ADGRB3: variants seen among roughly 807,000 people sequenced by gnomAD.
ADGRB3 encodes brain-specific angiogenesis inhibitor 3.
A neutral mutation model predicts 193.4 loss-of-function variants in ADGRB3; 37 were observed. That is an observed-to-expected ratio of 0.19 (90% confidence interval 0.15 to 0.25). ADGRB3 has a LOEUF of 0.25. Among genes scored for constraint, ADGRB3 ranks in the 10% least tolerant of loss-of-function variants. The pLI is 1.00. For synonymous variants in ADGRB3, 690 were observed against 644.2 expected (o/e 1.07, Z -1.08); for missense variants, 1,637 against 1,852.9 (o/e 0.88, Z 2.14).
At chr6:68,909,826 G>T (rs1409007117) in intron 3 of ADGRB3, among the ~76,000 whole-genome samples, 1 of 152,244 alleles carries the variant, frequency 6.6e-6, no homozygotes, top group South Asian at 2.1e-4. Flanking sequence ...ATTTGGGTTG[G>T]TTCCAAGTCT....
chr6:69,380,617 T>G (rs746189919), intron 30 of ADGRB3, among the ~76,000 whole-genome samples: 4 of 151,900 alleles, frequency 2.6e-5, no homozygotes, highest in Non-Finnish European at 5.9e-5. Flanking sequence ...AATAACTAAT[T>G]TGAGGAATTT....
intron 17 of ADGRB3, among the ~76,000 whole-genome samples, chr6:69,216,978 TG>T (rs1484811419): frequency 1.3e-5 from 2 of 152,144 alleles, no homozygotes; most frequent in Non-Finnish European, 2.9e-5. Flanking sequence ...GTCCAGAAAC[TG>T]GGAAGGGGCT....
At chr6:68,646,381 G>A (rs971730565) in intron 3 of ADGRB3, among the ~76,000 whole-genome samples, 1 of 151,190 alleles carries the variant, frequency 6.6e-6, no homozygotes, top group Non-Finnish European at 1.5e-5. Flanking sequence ...GGAGGCTGAG[G>A]CAGGAGAACA....
chr6:69,113,792 T>C (rs1773444067), intron 17 of ADGRB3, among the ~76,000 whole-genome samples: 1 of 152,190 alleles, frequency 6.6e-6, no homozygotes, highest in African/African-American at 2.4e-5. Flanking sequence ...TTATGACTTC[T>C]CTTAATAATG....
intron 19 of ADGRB3, among the ~76,000 whole-genome samples, chr6:69,238,418 T>C (rs537086585): frequency 2.2e-4 from 33 of 152,212 alleles, no homozygotes; most frequent in African/African-American, 7.9e-4. Context: ...TTAACAACTA[T>C]ATAACAGACT....
intron 17 of ADGRB3, among the ~76,000 whole-genome samples, chr6:69,137,078 A>ATTTTTTTTTTTTTTTG (rs1193270145): frequency 4.1e-5 from 5 of 121,460 alleles, no homozygotes; most frequent in Non-Finnish European, 6.9e-5. Flanking sequence ...TTTTTTTTTA[A>ATTTTTTTTTTTTTTTG]TGGTAAGATC....
intron 29 of ADGRB3, among the ~76,000 whole-genome samples, chr6:69,367,275 A>C (rs1448828227): frequency 1.3e-5 from 2 of 152,164 alleles, no homozygotes; most frequent in African/African-American, 4.8e-5. Flanking sequence ...CAGACTTTGC[A>C]GAGTCTTGTA....
intron 11 of ADGRB3, among the ~76,000 whole-genome samples, chr6:69,009,046 G>T (rs1207544278): frequency 6.6e-6 from 1 of 151,940 alleles, no homozygotes; most frequent in Non-Finnish European, 1.5e-5. Flanking sequence ...ATCCATGAAT[G>T]CTTAGCCCAT....
At chr6:69,255,784 A>G (rs1259433203) in intron 20 of ADGRB3, among the ~76,000 whole-genome samples, 2 of 152,184 alleles carry the variant, frequency 1.3e-5, no homozygotes, top group African/African-American at 4.8e-5. Flanking sequence ...GCCCATGCCT[A>G]TGTCCTGAAT....
At chr6:68,938,440 GTATATATATA>G (rs59120080) in intron 5 of ADGRB3, among the ~76,000 whole-genome samples, 63,567 of 144,560 alleles carry the variant, frequency 0.44, 15,704 homozygotes, top group Middle Eastern at 0.67. Context: ...ATATTTTGAG[GTATATATATA>G]TATATATATA....
At chr6:68,644,319 GACTT>G (rs1489766131) in intron 3 of ADGRB3, among the ~76,000 whole-genome samples, 1 of 151,792 alleles carries the variant, frequency 6.6e-6, no homozygotes, top group African/African-American at 2.4e-5. Context: ...AAATAACAAG[GACTT>G]ACTAACAAAT....
At chr6:68,691,583 T>C (rs536925987) in intron 3 of ADGRB3, among the ~76,000 whole-genome samples, 1 of 152,058 alleles carries the variant, frequency 6.6e-6, no homozygotes, top group Non-Finnish European at 1.5e-5. Flanking sequence ...TTTAAATGCA[T>C]TGACTTTTGT....
intron 20 of ADGRB3, among the ~76,000 whole-genome samples, chr6:69,278,402 A>G (rs1209607351): frequency 6.6e-6 from 1 of 152,232 alleles, no homozygotes; most frequent in Non-Finnish European, 1.5e-5. Context: ...GATGCGTAAC[A>G]GCAGTATATT....
chr6:69,268,982 A>C (rs1040559499), intron 20 of ADGRB3, among the ~76,000 whole-genome samples: 2 of 152,142 alleles, frequency 1.3e-5, no homozygotes, highest in Non-Finnish European at 2.9e-5. Flanking sequence ...TCTTTATAAT[A>C]ATCATCATAA....
At chr6:69,175,330 G>C (rs1250035096) in intron 17 of ADGRB3, among the ~76,000 whole-genome samples, 2 of 152,178 alleles carry the variant, frequency 1.3e-5, no homozygotes, top group Non-Finnish European at 2.9e-5. Flanking sequence ...GTGAAATGTA[G>C]TGGTCCAGTT....
At chr6:69,194,549 A>G (rs1299898226) in intron 17 of ADGRB3, among the ~76,000 whole-genome samples, 2 of 152,146 alleles carry the variant, frequency 1.3e-5, no homozygotes, top group Non-Finnish European at 2.9e-5. Context: ...TTGCGTGAGA[A>G]TGGGCTTGAA....
At chr6:69,333,612 CTGT>C (rs1296270813) in intron 24 of ADGRB3, among the ~76,000 whole-genome samples, 2 of 151,580 alleles carry the variant, frequency 1.3e-5, no homozygotes, top group East Asian at 3.9e-4. Context: ...TTTAATTTTA[CTGT>C]TATTATAATA....
chr6:68,988,367 A>G (rs182224008), intron 10 of ADGRB3, among the ~76,000 whole-genome samples: 492 of 152,260 alleles, frequency 3.2e-3, no homozygotes, highest in Admixed American at 3.6e-3. Context: ...TTGGGAGAGC[A>G]TTTAAAGTGA....
At chr6:69,137,426 A>G (rs577863176) in intron 17 of ADGRB3, among the ~76,000 whole-genome samples, 1 of 151,952 alleles carries the variant, frequency 6.6e-6, no homozygotes, top group East Asian at 1.9e-4. Context: ...TCAAACACAC[A>G]CACGCAAAAA....
Sources: allele counts gnomAD v4.1 joint callset (sites outside exome capture counted in the v4.1 genomes callset), GRCh38; gene constraint gnomAD v4.1.1; transcripts MANE v1.5; gene names NCBI Gene and HGNC (gene_info 2026-07-23, HGNC 2026-07-21).